The following BCAS1 variants were observed in gnomAD, a reference collection of about 807,000 sequenced individuals.
BCAS1 encodes the protein breast carcinoma-amplified sequence 1.
Under a neutral mutation model 65.4 loss-of-function variants are expected in BCAS1, and 46 were observed. That is an observed-to-expected ratio of 0.70 (90% confidence interval 0.55 to 0.90). The LOEUF (loss-of-function observed/expected upper bound fraction) is 0.90, where lower values mean the gene tolerates loss of function less well. Among genes scored for constraint, BCAS1 ranks in the 40% least tolerant of loss-of-function variants. The pLI is 0.00. For missense variants in BCAS1, 793 were observed against 771.2 expected (o/e 1.03, Z -0.33); for synonymous variants, 298 against 293.5 (o/e 1.02, Z -0.16).
At chr20:53,996,151 G>A in intron 4 of BCAS1, 101 bp from the exon 5 acceptor site, 2 of 1,276,036 alleles carry the variant, frequency 1.6e-6, no homozygotes, top group Non-Finnish European at 2.1e-6. Context: ...CCTAATTCCA[G>A]CCATACTTCT....
intron 8 of BCAS1, among the ~76,000 whole-genome samples, chr20:53,983,440 G>A (rs1406174528): frequency 6.6e-6 from 1 of 152,166 alleles, no homozygotes; most frequent in Non-Finnish European, 1.5e-5. Context: ...AAAGCTCATA[G>A]AGACAAACTG....
intron 4 of BCAS1, among the ~76,000 whole-genome samples, chr20:54,000,456 G>C (rs1015113979): frequency 5.9e-5 from 9 of 152,136 alleles, no homozygotes; most frequent in Admixed American, 1.3e-4. Context: ...TGTGCACATG[G>C]TACAATCTCA....
At position 53,944,140 on chromosome 20, in the gene BCAS1, C is replaced by T. The variant is rs1298953265; in HGVS notation, c.*782G>A. The T allele has an allele frequency of 2.0e-5, 3 of 152,176 alleles. No individual in the cohort carries two copies. The highest frequency in any genetic ancestry group is 3.4e-3 in the Middle Eastern group (1 of 294). 9.4% of individuals were successfully genotyped at this position (152,176 alleles called of 1,614,324 possible). On this transcript the variant is annotated 3_prime_UTR_variant, in exon 13 of 13. Transcript: ENST00000688948. Reference sequence around the variant, plus strand: ...TCCTTTTTCTATACCCCACACATTCCGTTCTAGGAAATTGGCAACCACCCA... The same window carrying T: ...TCCTTTTTCTATACCCCACACATTCTGTTCTAGGAAATTGGCAACCACCCA...
intron 6 of BCAS1, 85 bp downstream of exon 6, chr20:53,994,921 ATGTATT>A: frequency 2.6e-5 from 27 of 1,053,860 alleles, no homozygotes; most frequent in Non-Finnish European, 3.4e-5. Flanking sequence ...ACACACATAT[ATGTATT>A]CAAAAAACAA....
At chr20:53,965,350 T>C (rs2145615873) in intron 10 of BCAS1, among the ~76,000 whole-genome samples, 1 of 152,352 alleles carries the variant, frequency 6.6e-6, no homozygotes, top group East Asian at 1.9e-4. Context: ...GAGAGTTGCT[T>C]TCTCAAAGGA....
intron 4 of BCAS1, among the ~76,000 whole-genome samples, chr20:54,015,566 A>G (rs545839681): frequency 1.3e-5 from 2 of 152,302 alleles, no homozygotes; most frequent in South Asian, 4.1e-4. Flanking sequence ...AGGAAATCCA[A>G]TTATGAAAGG....
Position 54,014,832 on chromosome 20 carries a change from C to T in BCAS1, c.723+13560G>A, listed in dbSNP as rs78265720. Among the ~76,000 whole-genome samples, 451 of 152,256 alleles carry T rather than the reference C, an allele frequency of 3.0e-3. 2 individuals carry two copies. Among genetic ancestry groups the T allele is most frequent in the African/African-American group, 0.01 (433 of 41,550 alleles). On this transcript the variant is annotated intron_variant, in intron 4 of 12. Coordinates refer to ENST00000688948, the MANE Select transcript of BCAS1 (RefSeq NM_001366298.2). ...GACAACAATAGTCTCTGGACAATCA[C>T]GAAGTCTTCATTTTTCTTCTTCTGA...
At chr20:54,003,120 C>A (rs149771482) in intron 4 of BCAS1, among the ~76,000 whole-genome samples, 1 of 151,336 alleles carries the variant, frequency 6.6e-6, no homozygotes, top group East Asian at 1.9e-4. Context: ...TAATAATAAA[C>A]CTTGCCTGGT....
chr20:54,007,751 A>G (rs1222601542), intron 4 of BCAS1, among the ~76,000 whole-genome samples: 1 of 152,200 alleles, frequency 6.6e-6, no homozygotes, highest in African/African-American at 2.4e-5. Flanking sequence ...TGACATTAAA[A>G]AATAACATAA....
intron 8 of BCAS1, among the ~76,000 whole-genome samples, chr20:53,981,257 A>C (rs2090470417): frequency 6.6e-6 from 1 of 152,236 alleles, no homozygotes; most frequent in African/African-American, 2.4e-5. Context: ...CAGATTGGTC[A>C]GCCCATCTTT....
intron 4 of BCAS1, among the ~76,000 whole-genome samples, chr20:53,999,888 CCTGT>C (rs955726915): frequency 6.6e-6 from 1 of 152,040 alleles, no homozygotes; most frequent in Non-Finnish European, 1.5e-5. Context: ...TGCCACCATG[CCTGT>C]CTAATTTTTG....
At chr20:54,046,285 T>C (rs1049316377) in intron 3 of BCAS1, among the ~76,000 whole-genome samples, 3 of 152,132 alleles carry the variant, frequency 2.0e-5, no homozygotes, top group African/African-American at 7.2e-5. Context: ...ATCCCAGCAC[T>C]TTGGGAGGCC....
At chr20:54,058,613 T>TTTA in intron 2 of BCAS1, 34 bp downstream of exon 2, 1 of 1,534,272 alleles carries the variant, frequency 6.5e-7, no homozygotes, top group East Asian at 2.3e-5. Flanking sequence ...TTTTTTTTTT[T>TTTA]CTGCTGATGC....
intron 6 of BCAS1, 27 bp downstream of exon 6, chr20:53,994,985 T>C: frequency 6.2e-7 from 1 of 1,605,102 alleles, no homozygotes; most frequent in African/African-American, 1.3e-5. Context: ...AACCCAAATA[T>C]ATACATACAC....
intron 8 of BCAS1, among the ~76,000 whole-genome samples, 171 bp from the exon 9 acceptor site, chr20:53,975,601 G>GTA (rs11471112): frequency 0.36 from 52,960 of 147,342 alleles, 10,149 homozygotes; most frequent in Non-Finnish European, 0.43. Flanking sequence ...AATGAAAACG[G>GTA]TATATATATA....
intron 8 of BCAS1, among the ~76,000 whole-genome samples, chr20:53,981,562 A>C (rs1352151937): frequency 7.1e-6 from 1 of 141,708 alleles, no homozygotes; most frequent in Admixed American, 7.2e-5. Flanking sequence ...TTTTTACTCG[A>C]TCCTCCCAAT....
intron 3 of BCAS1, 53 bp downstream of exon 3, chr20:54,058,032 C>T: frequency 3.0e-6 from 4 of 1,324,312 alleles, no homozygotes; most frequent in Non-Finnish European, 4.3e-6. Flanking sequence ...ACAGCATCTG[C>T]AGACCCCCCT....
At chr20:54,029,218 G>T in intron 3 of BCAS1, 1 of 985,388 alleles carries the variant, frequency 1.0e-6, no homozygotes, top group Non-Finnish European at 1.2e-6. Flanking sequence ...GCTGCCAGGT[G>T]TGGAATGAGT....
rs150560228 is a variant in BCAS1 at position 53,966,989 on chromosome 20, C to T, written c.1402G>A (p.Ala468Thr). Reference protein sequence around the residue: ...LQTVDLNEGDAAPEPTEAKLK... With the variant: ...LQTVDLNEGDTAPEPTEAKLK... ...TTCGCTTCTGTGGGTTCAGGTGCAG[C>T]ATCTCCTTCGTTGAGGTCCACTGTT... is the stretch of plus-strand genomic sequence containing the variant. The change falls in exon 10 of 13, where the codon GCT (alanine) becomes ACT (threonine). Residue 468 changes from alanine (A) to threonine (T), a missense_variant. Physicochemically the swap from Ala to Thr is moderately conservative, Grantham distance 58. Coordinates refer to ENST00000688948, the MANE Select transcript of BCAS1 (RefSeq NM_001366298.2). The T allele has an allele frequency of 1.6e-4, 254 of 1,613,370 alleles. No homozygotes were observed. The African/African-American group carries it at 3.1e-3, about 20-fold the overall frequency.
Sources: gnomAD v4.1 joint callset for allele counts (sites outside exome capture counted in the v4.1 genomes callset) on GRCh38, gnomAD v4.1.1 for gene constraint, MANE v1.5 for transcripts, NCBI Gene and HGNC (gene_info 2026-07-23, HGNC 2026-07-21) for gene names.